The following DHX29 variants were observed in gnomAD, a reference collection of about 807,000 sequenced individuals.
DHX29 encodes the protein DExH-box helicase 29.
Under a neutral mutation model 167.9 loss-of-function variants are expected in DHX29, and 79 were observed. The observed-to-expected ratio is 0.47, with a 90% confidence interval of 0.39 to 0.57. DHX29 has a LOEUF of 0.57. Ranked by LOEUF, DHX29 falls within the 20% of genes least tolerant of loss-of-function variation. The pLI is 0.00. For missense variants in DHX29, 1,347 were observed against 1,593.4 expected (o/e 0.85, Z 2.63); for synonymous variants, 530 against 546.0 (o/e 0.97, Z 0.41).
In DHX29 at chr5:55,297,352, T is replaced by C. The variant is rs1748375792; in HGVS notation, c.308A>G (p.Asn103Ser). ...KLEQRIIGVI[N>S]EHKKQNNDKG... ...GTCATTATTTTGCTTTTTATGCTCATTGATCACTCCAATAATTCTTTGCTC... is the reference window on the plus strand; with the variant it reads ...GTCATTATTTTGCTTTTTATGCTCACTGATCACTCCAATAATTCTTTGCTC... The change falls in exon 3 of 27, where the codon AAT becomes AGT. Residue 103 changes from asparagine to serine, a missense_variant. Physicochemically the swap from Asn to Ser is conservative, Grantham distance 46. Transcript: ENST00000251636. 3 of 1,590,614 alleles carry C rather than the reference T, an allele frequency of 1.9e-6. No homozygotes were observed. Among genetic ancestry groups the C allele is most frequent in the African/African-American group, 1.3e-5 (1 of 74,566 alleles).
chr5:55,284,404 A>G (rs1207393290), intron 10 of DHX29, among the ~76,000 whole-genome samples: 1 of 152,224 alleles, frequency 6.6e-6, no homozygotes, highest in Non-Finnish European at 1.5e-5. Context: ...ATTCTGTGCT[A>G]TAAAGAATCC....
At chr5:55,257,397 G>A (rs1041361820) in intron 26 of DHX29, among the ~76,000 whole-genome samples, 2 of 152,118 alleles carry the variant, frequency 1.3e-5, no homozygotes, top group East Asian at 1.9e-4. Flanking sequence ...GTTTGAAGTT[G>A]GAACAATGGC....
At chr5:55,296,868 G>A (rs1269734116) in intron 3 of DHX29, among the ~76,000 whole-genome samples, 2 of 152,048 alleles carry the variant, frequency 1.3e-5, no homozygotes, top group African/African-American at 4.8e-5. Context: ...TAATCATTAT[G>A]GTTAGGCAGA....
chr5:55,271,368 C>T (rs976855950), intron 18 of DHX29, among the ~76,000 whole-genome samples: 5 of 152,224 alleles, frequency 3.3e-5, no homozygotes, highest in Non-Finnish European at 5.9e-5. Context: ...AGGTGGCTCA[C>T]GCCTGTAATC....
At chr5:55,276,715 G>A (rs755537771) in intron 13 of DHX29, among the ~76,000 whole-genome samples, 15 of 152,068 alleles carry the variant, frequency 9.9e-5, no homozygotes, top group Non-Finnish European at 1.9e-4. Flanking sequence ...TAGAAAGGAA[G>A]CTTCAAAGAC....
intron 1 of DHX29, 113 bp downstream of exon 1, chr5:55,307,274 T>C (rs1410577660): frequency 1.3e-5 from 12 of 911,148 alleles, no homozygotes; most frequent in South Asian, 1.7e-5. Flanking sequence ...AGCTCGAGTG[T>C]TGGGAAATAG....
chr5:55,261,614 A>G, intron 24 of DHX29, 115 bp from the exon 25 acceptor site: 2 of 705,646 alleles, frequency 2.8e-6, no homozygotes, highest in Non-Finnish European at 5.0e-6. Context: ...TTAAGCTCAG[A>G]GTATTTGTAA....
chr5:55,295,644 C>T (rs1248783269), intron 4 of DHX29, 120 bp from the exon 5 acceptor site: 7 of 913,734 alleles, frequency 7.7e-6, no homozygotes, highest in Non-Finnish European at 9.8e-6. Flanking sequence ...TCTTCTATTC[C>T]CTCATCTCCT....
intron 24 of DHX29, among the ~76,000 whole-genome samples, chr5:55,261,866 A>C (rs1162456457): frequency 6.6e-6 from 1 of 151,162 alleles, no homozygotes; most frequent in African/African-American, 2.4e-5. Flanking sequence ...TATGGGCATC[A>C]ATCAGTAATC....
Position 55,274,964 on chromosome 5 carries a change from A to C in DHX29, c.2474T>G (p.Phe825Cys), listed in dbSNP as rs751661598. Residue 825 changes from phenylalanine (F) to cysteine (C), a missense_variant, in exon 15 of 27, where the codon TTT becomes TGT. Transcript: ENST00000251636. ...QTGAHADLNP[F>C]YQKYSSRTQH... ...AGTGCGGCTGCTGTACTTTTGGTAA[A>C]ATGGATTTAAATCAGCATGTGCTCC... 3.7e-6 allele frequency: 6 copies of C among 1,613,908 alleles called. 1 individual carries two copies. The South Asian group carries it at 6.6e-5, about 18-fold the overall frequency.
intron 1 of DHX29, among the ~76,000 whole-genome samples, chr5:55,304,358 C>A (rs1029350519): frequency 2.8e-5 from 4 of 144,658 alleles, no homozygotes; most frequent in African/African-American, 1.0e-4. Context: ...GTCACCCAGG[C>A]TGGAGTGCAG....
chr5:55,262,007 T>C (rs1036416372), intron 24 of DHX29, among the ~76,000 whole-genome samples: 2 of 152,176 alleles, frequency 1.3e-5, no homozygotes, highest in East Asian at 3.8e-4. Context: ...AAGAAATATG[T>C]TTCAATTCTT....
At chr5:55,268,367 TA>T (rs778152927) in intron 21 of DHX29, among the ~76,000 whole-genome samples, 13 of 152,220 alleles carry the variant, frequency 8.5e-5, no homozygotes, top group Non-Finnish European at 1.6e-4. Context: ...CTATTTCAAA[TA>T]CCAAACAAAG....
At chr5:55,273,186 T>C in intron 17 of DHX29, 107 bp downstream of exon 17, 2 of 1,220,550 alleles carry the variant, frequency 1.6e-6, no homozygotes, top group Non-Finnish European at 2.2e-6. Flanking sequence ...GGCAATGCGC[T>C]ATAAGGCACT....
rs1748946655 is a variant in DHX29, at chr5:55,307,542, G to A, written c.32C>T (p.Pro11Leu). The change falls in exon 1 of 27, where the codon CCA (proline) becomes CTA (leucine). Residue 11 changes from proline (P) to leucine (L), a missense_variant. Pro to Leu is a moderately conservative substitution (Grantham distance 98). Transcript: ENST00000251636. ...GGCGGCCCGGACCACCGCGGCCGCT[G>A]GAGCCTTGTGTTTCTTGTTCTTGCC... MGGKNKKHKA[P>L]AAAVVRAAVS... 6.2e-7 allele frequency: 1 copy of A among 1,613,686 alleles called. No homozygotes were observed. Among genetic ancestry groups the A allele is most frequent in the Non-Finnish European group, 8.5e-7 (1 of 1,179,960 alleles).
chr5:55,296,091 G>C lies in DHX29; in HGVS notation c.505+129C>G, dbSNP rs750863771. On this transcript the variant is annotated intron_variant, in intron 4 of 26. Transcript: ENST00000251636. ...GGAAAATATCCTGAAAAGAACAGAA[G>C]GTAAGAACACTTTAAAAGTAAATAA... The C allele has an allele frequency of 1.2e-3, 1,230 of 1,003,298 alleles. 1 individual carries two copies. The highest frequency in any genetic ancestry group is 1.6e-3 in the Non-Finnish European group (1,142 of 721,514). 62.1% of individuals were successfully genotyped at this position (1,003,298 alleles called of 1,614,324 possible).
At chr5:55,292,848 T>C (rs1748118679) in intron 6 of DHX29, among the ~76,000 whole-genome samples, 2 of 152,204 alleles carry the variant, frequency 1.3e-5, no homozygotes, top group Admixed American at 1.3e-4. Context: ...AGGTCCCATC[T>C]CTTTGAAGTC....
chr5:55,307,145 G>T (rs1279851829), intron 1 of DHX29, among the ~76,000 whole-genome samples: 1 of 152,222 alleles, frequency 6.6e-6, no homozygotes, highest in Non-Finnish European at 1.5e-5. Context: ...TTAGAAGGGG[G>T]AGAAGTGTGA....
Position 55,289,402 on chromosome 5 carries a change from C to T in DHX29, c.934G>A (p.Val312Ile). The change falls in exon 8 of 27, where the codon GTA becomes ATA. Residue 312 changes from valine to isoleucine, a missense_variant. Val to Ile is a conservative substitution (Grantham distance 29, BLOSUM62 3). Around this residue, in one of 3 missense-constraint regions of DHX29, gnomAD observed 405 missense variants for 416.8 expected, o/e 0.97. Transcript: ENST00000251636. ...GAAATCTTCATGGCTGGGTTAAATA[C>T]TGGATGGTCTTCTAAAGTTTCCATT... ...REMETLEDHP[V>I]FNPAMKISHQ... 7 of 1,573,930 alleles carry T rather than the reference C, an allele frequency of 4.4e-6. No homozygotes were observed. The highest frequency in any genetic ancestry group is 6.0e-6 in the Non-Finnish European group (7 of 1,167,986).
Sources: allele counts gnomAD v4.1 joint callset (sites outside exome capture counted in the v4.1 genomes callset), GRCh38; gene constraint gnomAD v4.1.1; regional missense constraint gnomAD v4.1.1; transcripts MANE v1.5; gene names NCBI Gene and HGNC (gene_info 2026-07-23, HGNC 2026-07-21).